Variants in INKA2 observed in about 807,000 individuals in gnomAD.
INKA2 encodes inka box actin regulator 2.
In INKA2, 3 loss-of-function variants were observed where a neutral mutation model predicts 9.8. The observed-to-expected ratio is 0.31, with a 90% CI of 0.14 to 0.79. INKA2 has a LOEUF of 0.79. Among genes scored for constraint, INKA2 ranks in the 30% least tolerant of loss-of-function variants. The pLI, the probability that INKA2 is intolerant of heterozygous loss-of-function variation, is 0.62. For synonymous variants in INKA2, 147 were observed against 143.3 expected, an observed-to-expected ratio of 1.03 and a Z score of -0.18; for missense variants, 392 against 384.4, an observed-to-expected ratio of 1.02 and a Z score of -0.17.
In INKA2 at chr1:111,726,143, T is replaced by C. The variant is rs1662764352; in HGVS notation, c.*825A>G. On this transcript the variant is annotated 3_prime_UTR_variant, in exon 2 of 2. Transcript: ENST00000357260. ...TCTGCCTCCTGGCTGCAGTTGTTCC[T>C]GGACATGTAGCATATCTAGGCTTGT... The C allele has an allele frequency of 5.0e-6, 2 of 398,612 alleles. No homozygotes were observed. The highest frequency in any genetic ancestry group is 8.8e-6 in the Non-Finnish European group (2 of 226,036). The allele number at this position is 398,612 out of a possible 1,614,324, so 24.7% of individuals were successfully genotyped here. A position where few individuals can be genotyped will look rare whatever the true frequency, so the allele number is the denominator to read the frequency against.
chr1:111,723,269 A>C lies in INKA2; in HGVS notation c.*3699T>G. 1 of 577,208 alleles carries C rather than the reference A, an allele frequency of 1.7e-6. No homozygotes were observed. Among genetic ancestry groups the C allele is most frequent in the African/African-American group, 1.9e-5 (1 of 52,132 alleles). The allele number at this position is 577,208 out of a possible 1,614,324, so 35.8% of individuals were successfully genotyped here. ...ACAAGGCCCTAGGGAGGAGATGGGG[A>C]TGTGGAGAGGACAGAGCAACCTTCT... On this transcript the variant is annotated 3_prime_UTR_variant, in exon 2 of 2. Transcript: ENST00000357260.
At chr1:111,735,444 T>C (rs1194280963) in intron 1 of INKA2, among the ~76,000 whole-genome samples, 1 of 152,176 alleles carries the variant, frequency 6.6e-6, no homozygotes, top group East Asian at 1.9e-4. Flanking sequence ...AGAGTAGGTA[T>C]TTTAAAACCC....
In INKA2 at chr1:111,727,429, A is replaced by G. The variant is rs751588660; in HGVS notation, c.433T>C (p.Leu145=). Residue 145 remains leucine (L), a synonymous_variant, in exon 2 of 2, where the codon TTG becomes CTG. Transcript: ENST00000357260. Reference sequence around the variant, plus strand: ...TGTCGATTCCGGCCCCGGGACATCAACGTGGAGGTCCAGTCATCCGGTTCC... The same window carrying G: ...TGTCGATTCCGGCCCCGGGACATCAGCGTGGAGGTCCAGTCATCCGGTTCC... The part of the protein sequence containing the change: ...RVEPDDWTST[L]MSRGRNRQPL... 2.7e-5 allele frequency: 43 copies of G among 1,614,082 alleles called. No homozygotes were observed. Among genetic ancestry groups the G allele is most frequent in the Non-Finnish European group, 3.4e-5 (40 of 1,180,052 alleles).
intron 1 of INKA2, chr1:111,744,570 C>CTTT (rs3085877): frequency 0.087 from 12,233 of 140,968 alleles, 689 homozygotes; most frequent in Non-Finnish European, 0.11. Context: ...TGCCATCACT[C>CTTT]TTTTTTTTTT....
At chr1:111,754,544 A>C (rs1663483884) in intron 1 of INKA2, 1 of 152,194 alleles carries the variant, frequency 6.6e-6, no homozygotes, top group Non-Finnish European at 1.5e-5. Context: ...TTACTTTTTA[A>C]GAATTTGAGA....
upstream of INKA2, among the ~76,000 whole-genome samples, chr1:111,742,279 T>C (rs1054060862): frequency 6.6e-6 from 1 of 152,168 alleles, no homozygotes; most frequent in Non-Finnish European, 1.5e-5. Flanking sequence ...TCTAATACTT[T>C]ATACTCCTTA....
At chr1:111,747,380 T>C (rs190366254) in intron 1 of INKA2, 1 of 152,380 alleles carries the variant, frequency 6.6e-6, no homozygotes, top group East Asian at 1.9e-4. Context: ...GCCTGGTAAC[T>C]GTAGGGAAAG....
Position 111,722,257 on chromosome 1 carries a change from G to T in INKA2, c.*4711C>A, listed in dbSNP as rs753841611. ...ACCTCTCCTGAAGGTGGGCTTCACAGATTCCTCCACCCCATCAGGAGGGAA... is the reference window on the plus strand; with the variant it reads ...ACCTCTCCTGAAGGTGGGCTTCACATATTCCTCCACCCCATCAGGAGGGAA... On this transcript the variant is annotated 3_prime_UTR_variant, in exon 2 of 2. Coordinates refer to ENST00000357260, the MANE Select transcript of INKA2 (RefSeq NM_019099.5). The T allele has an allele frequency of 5.3e-5, 8 of 152,364 alleles. No individual in the cohort carries two copies. The highest frequency in any genetic ancestry group is 1.2e-4 in the Non-Finnish European group (8 of 68,050). The allele number at this position is 152,364 out of a possible 1,614,324, so 9.4% of individuals were successfully genotyped here. A position where few individuals can be genotyped will look rare whatever the true frequency, so the allele number is the denominator to read the frequency against.
At position 111,727,355 on chromosome 1, in the gene INKA2, C is replaced by G; in HGVS notation, c.507G>C (p.Trp169Cys). 6.2e-7 allele frequency: 1 copy of G among 1,614,052 alleles called. No homozygotes were observed. The highest frequency in any genetic ancestry group is 8.5e-7 in the Non-Finnish European group (1 of 1,179,968). Reference protein sequence around the residue: ...DNVFADLVGNWLDLPELEKGG... With the variant: ...DNVFADLVGNCLDLPELEKGG... ...CCTTCTCCAGTTCTGGCAAGTCTAGCCAATTGCCCACCAGGTCTGCAAAAA... is the reference window on the plus strand; with the variant it reads ...CCTTCTCCAGTTCTGGCAAGTCTAGGCAATTGCCCACCAGGTCTGCAAAAA... The change falls in exon 2 of 2, where the codon TGG (tryptophan) becomes TGC (cysteine). Residue 169 changes from tryptophan to cysteine, a missense_variant. Physicochemically the swap from Trp to Cys is radical, Grantham distance 215. Coordinates refer to ENST00000357260, the MANE Select transcript of INKA2 (RefSeq NM_019099.5).
intron 1 of INKA2, among the ~76,000 whole-genome samples, chr1:111,752,877 T>C (rs1663441058): frequency 6.6e-6 from 1 of 151,994 alleles, no homozygotes; most frequent in African/African-American, 2.4e-5. Flanking sequence ...GTATTTTTTT[T>C]CTAGTAGAGA....
Position 111,727,370 on chromosome 1 carries a change from G to T in INKA2, c.492C>A (p.Asp164Glu). ...PLVLGDNVFA[D>E]LVGNWLDLPE... is the part of the protein sequence containing the mutation. ...GCAAGTCTAGCCAATTGCCCACCAG[G>T]TCTGCAAAAACGTTGTCCCCTAACA... Residue 164 changes from aspartate (D) to glutamate (E), a missense_variant, in exon 2 of 2, where the codon GAC (aspartate) becomes GAA (glutamate). Physicochemically the swap from Asp to Glu is conservative, Grantham distance 45. Transcript: ENST00000357260. The T allele has an allele frequency of 3.1e-6, 5 of 1,613,946 alleles. No homozygotes were observed. Among genetic ancestry groups the T allele is most frequent in the Non-Finnish European group, 4.2e-6 (5 of 1,179,968 alleles).
At chr1:111,737,313 T>C (rs954673257) in intron 1 of INKA2, among the ~76,000 whole-genome samples, 1 of 152,184 alleles carries the variant, frequency 6.6e-6, no homozygotes, top group Non-Finnish European at 1.5e-5. Context: ...GCCTTTTTTA[T>C]TCTCCTGGCA....
At chr1:111,737,589 G>A (rs907348230) in intron 1 of INKA2, among the ~76,000 whole-genome samples, 2 of 152,152 alleles carry the variant, frequency 1.3e-5, no homozygotes, top group Non-Finnish European at 1.5e-5. Context: ...ACACATAAAT[G>A]GAAAAAAATG....
chr1:111,746,939 TCA>T (rs1258935119), intron 1 of INKA2: 4 of 152,228 alleles, frequency 2.6e-5, no homozygotes, highest in African/African-American at 9.7e-5. Context: ...TCTTTGGATC[TCA>T]GTTTTCTCCT....
At chr1:111,744,477 A>T (rs541475652) in intron 1 of INKA2, 2 of 152,292 alleles carry the variant, frequency 1.3e-5, no homozygotes, top group South Asian at 4.1e-4. Context: ...TTCAGAAAGC[A>T]GGAGGGATGT....
intron 1 of INKA2, among the ~76,000 whole-genome samples, chr1:111,728,711 A>T (rs576603781): frequency 1.3e-5 from 2 of 152,188 alleles, no homozygotes; most frequent in African/African-American, 4.8e-5. Flanking sequence ...TATGTATAAG[A>T]TGTATATGAA....
At position 111,722,902 on chromosome 1, in the gene INKA2, G is replaced by A. The variant is rs1662678954; in HGVS notation, c.*4066C>T. 1.8e-6 allele frequency: 1 copy of A among 566,912 alleles called. No homozygotes were observed. Among genetic ancestry groups the A allele is most frequent in the African/African-American group, 1.9e-5 (1 of 51,434 alleles). The allele number at this position is 566,912 out of a possible 1,614,324, so 35.1% of individuals were successfully genotyped here. ...GTCCAGTATCTGCTGAGCTTCTGCTGTATTCCAGGCAGTGCTTGGACCGTA... is the reference window on the plus strand; with the variant it reads ...GTCCAGTATCTGCTGAGCTTCTGCTATATTCCAGGCAGTGCTTGGACCGTA... On this transcript the variant is annotated 3_prime_UTR_variant, in exon 2 of 2. Coordinates refer to ENST00000357260, the MANE Select transcript of INKA2 (RefSeq NM_019099.5).
chr1:111,726,061 G>A lies in INKA2; in HGVS notation c.*907C>T, dbSNP rs1318567479. 1.0e-5 allele frequency: 4 copies of A among 398,586 alleles called. No individual in the cohort carries two copies. Among genetic ancestry groups the A allele is most frequent in the East Asian group, 3.6e-5 (1 of 28,080 alleles). 24.7% of individuals were successfully genotyped at this position (398,586 alleles called of 1,614,324 possible). ...CTGCGGGGTGCTAAGAACTGTTGGG[G>A]AGGAGTGTTGGTAACTCCAGGGTCC... is the stretch of plus-strand genomic sequence containing the variant. On this transcript the variant is annotated 3_prime_UTR_variant, in exon 2 of 2. Coordinates refer to ENST00000357260, the MANE Select transcript of INKA2 (RefSeq NM_019099.5).
chr1:111,739,095 T>C (rs889013220), intron 1 of INKA2, 91 bp downstream of exon 1: 6 of 1,288,838 alleles, frequency 4.7e-6, no homozygotes, highest in Non-Finnish European at 6.7e-6. Flanking sequence ...CCGCCCTGCT[T>C]ACGTCCCGGC....
Sources: allele counts gnomAD v4.1 joint callset (sites outside exome capture counted in the v4.1 genomes callset), GRCh38; gene constraint gnomAD v4.1.1; transcripts MANE v1.5; gene names NCBI Gene and HGNC (gene_info 2026-07-23, HGNC 2026-07-21).